GPR141: variants seen among roughly 807,000 people sequenced by gnomAD.
GPR141 encodes the protein probable G protein-coupled receptor 141.
GPR141 carries 6 observed loss-of-function variants against 6.8 expected under a neutral mutation model. The observed-to-expected ratio is 0.88, with a 90% CI of 0.48 to 1.74. GPR141 has a LOEUF of 1.74. GPR141 is among the 40% of genes most tolerant of loss of function. GPR141 has a pLI of 0.01. For synonymous variants in GPR141, 140 were observed against 142.3 expected, an observed-to-expected ratio of 0.98 and a Z score of 0.11; for missense variants, 372 against 372.9, an observed-to-expected ratio of 1.00 and a Z score of 0.02.
At chr7:37,730,925 C>A (rs1217184017) in intron 2 of GPR141, among the ~76,000 whole-genome samples, 1 of 152,166 alleles carries the variant, frequency 6.6e-6, no homozygotes, top group Admixed American at 6.5e-5. Flanking sequence ...TGTGAAAAGG[C>A]TCGAAATTTC....
chr7:37,727,817 T>G (rs1811708481), intron 2 of GPR141, among the ~76,000 whole-genome samples: 2 of 152,242 alleles, frequency 1.3e-5, no homozygotes, highest in South Asian at 4.1e-4. Context: ...GCTTTCAAAA[T>G]TGAAATATTA....
chr7:37,693,595 G>A (rs1460020978), intron 2 of GPR141, among the ~76,000 whole-genome samples: 1 of 152,146 alleles, frequency 6.6e-6, no homozygotes, highest in African/African-American at 2.4e-5. Flanking sequence ...CTAGACCCTG[G>A]GATGGTGGGG....
intron 2 of GPR141, among the ~76,000 whole-genome samples, chr7:37,708,817 A>G (rs1278985781): frequency 2.0e-5 from 3 of 152,292 alleles, no homozygotes; most frequent in South Asian, 2.1e-4. Context: ...ACAACATTTC[A>G]TAGATTACAA....
chr7:37,700,052 G>A (rs1810208828), intron 2 of GPR141, among the ~76,000 whole-genome samples: 1 of 152,276 alleles, frequency 6.6e-6, no homozygotes, highest in South Asian at 2.1e-4. Flanking sequence ...AGCTTGGAGA[G>A]GGTGAACAAT....
intron 2 of GPR141, among the ~76,000 whole-genome samples, chr7:37,729,033 T>G (rs1811779645): frequency 6.6e-6 from 1 of 151,946 alleles, no homozygotes; most frequent in African/African-American, 2.4e-5. Context: ...AAGCTGGAGG[T>G]ATGAAAGAGA....
At chr7:37,706,641 G>A (rs1810537044) in intron 2 of GPR141, among the ~76,000 whole-genome samples, 1 of 152,120 alleles carries the variant, frequency 6.6e-6, no homozygotes, top group African/African-American at 2.4e-5. Context: ...GCCACACTTG[G>A]CAGAGGCTCA....
At chr7:37,701,959 C>T (rs1810294970) in intron 2 of GPR141, among the ~76,000 whole-genome samples, 1 of 152,216 alleles carries the variant, frequency 6.6e-6, no homozygotes, top group South Asian at 2.1e-4. Flanking sequence ...CCTCCCTTTT[C>T]CCTTTCAACA....
chr7:37,710,928 T>C (rs1476034938), intron 2 of GPR141, among the ~76,000 whole-genome samples: 1 of 152,202 alleles, frequency 6.6e-6, no homozygotes, highest in Non-Finnish European at 1.5e-5. Context: ...TAGGTTCTTT[T>C]GGGTGAGAAT....
chr7:37,740,098 A>T (rs545468717), intron 2 of GPR141, among the ~76,000 whole-genome samples: 2 of 152,080 alleles, frequency 1.3e-5, no homozygotes, highest in African/African-American at 2.4e-5. Context: ...AATCCTCCTG[A>T]AGTTTTATGT....
At chr7:37,702,814 A>AAT (rs1554340110) in intron 2 of GPR141, among the ~76,000 whole-genome samples, 1 of 145,144 alleles carries the variant, frequency 6.9e-6, no homozygotes, top group African/African-American at 2.5e-5. Flanking sequence ...TTCAAAAAAA[A>AAT]AAATAAATAA....
intron 2 of GPR141, among the ~76,000 whole-genome samples, chr7:37,708,132 G>C (rs1287315912): frequency 1.3e-5 from 2 of 152,018 alleles, no homozygotes; most frequent in African/African-American, 4.8e-5. Flanking sequence ...CGTCACAGCA[G>C]CCTGACAGAT....
chr7:37,727,393 A>G (rs1811688530), intron 2 of GPR141, among the ~76,000 whole-genome samples: 1 of 152,142 alleles, frequency 6.6e-6, no homozygotes, highest in African/African-American at 2.4e-5. Context: ...AGTATTCTCA[A>G]CCTTCTTACA....
chr7:37,727,072 G>A (rs1811668032), intron 2 of GPR141, among the ~76,000 whole-genome samples: 1 of 152,220 alleles, frequency 6.6e-6, no homozygotes, highest in African/African-American at 2.4e-5. Flanking sequence ...GATATACTAA[G>A]TTTGAGATGT....
intron 2 of GPR141, among the ~76,000 whole-genome samples, chr7:37,722,128 T>C (rs972412799): frequency 1.3e-5 from 2 of 152,222 alleles, no homozygotes; most frequent in African/African-American, 2.4e-5. Context: ...ACTTTTTTAT[T>C]GGACACCACC....
chr7:37,683,904 G>C lies in GPR141; in HGVS notation c.-139+1G>C, dbSNP rs909438962. 1.2e-4 allele frequency: 19 copies of C among 152,082 alleles called. No individual in the cohort carries two copies. The highest frequency in any genetic ancestry group is 3.4e-4 in the African/African-American group (14 of 41,346). The allele number at this position is 152,082 out of a possible 1,614,324, so 9.4% of individuals were successfully genotyped here. A position where few individuals can be genotyped will look rare whatever the true frequency, so the allele number is the denominator to read the frequency against. ...TCACTGAGAAATCTGGATTTTCAAG[G>C]TAAGTGCAGATGACTTAGGTTTGGG... is the stretch of plus-strand genomic sequence containing the variant. On this transcript the variant is annotated splice_donor_variant, in intron 1 of 2. Transcript: ENST00000334425. LOFTEE classifies it low-confidence loss of function (5UTR_SPLICE).
intron 1 of GPR141, 103 bp from the exon 2 acceptor site, chr7:37,685,357 C>T (rs1281905174): frequency 7.2e-6 from 1 of 139,052 alleles, no homozygotes; most frequent in African/African-American, 3.0e-5. Context: ...CTCCCTCCCT[C>T]CTTCCTTCCT....
In GPR141 at chr7:37,740,475, CT is replaced by C; in HGVS notation, c.84del (p.Ile29LeufsTer15). On this transcript the variant is annotated frameshift_variant, in exon 3 of 3. Coordinates refer to ENST00000334425, the MANE Select transcript of GPR141 (RefSeq NM_001381946.1). LOFTEE classifies it low-confidence loss of function (END_TRUNC). ...PHLISLYFIV[L>X]IGGLVGVISI... ...CTTAATCAGCCTCTACTTCATAGTG[CT>C]TATTGGCGGGCTGGTGGGTGTCATT... 1 of 1,614,012 alleles carries C rather than the reference CT, an allele frequency of 6.2e-7. No homozygotes were observed. The highest frequency in any genetic ancestry group is 8.5e-7 in the Non-Finnish European group (1 of 1,179,932).
chr7:37,732,921 G>A (rs1045474537), intron 2 of GPR141, among the ~76,000 whole-genome samples: 2 of 152,156 alleles, frequency 1.3e-5, no homozygotes, highest in African/African-American at 4.8e-5. Flanking sequence ...AAGAATATAT[G>A]GGGGAGCTGA....
intron 2 of GPR141, among the ~76,000 whole-genome samples, chr7:37,737,314 T>C (rs1350959865): frequency 6.6e-6 from 1 of 151,570 alleles, no homozygotes; most frequent in Non-Finnish European, 1.5e-5. Context: ...TAACAACCTT[T>C]ATTTTTTAAT....
Sources: allele counts gnomAD v4.1 joint callset (sites outside exome capture counted in the v4.1 genomes callset), GRCh38; gene constraint gnomAD v4.1.1; transcripts MANE v1.5; gene names NCBI Gene and HGNC (gene_info 2026-07-23, HGNC 2026-07-21).